PDGFD: variants seen among roughly 807,000 people sequenced by gnomAD.
The protein encoded by PDGFD is platelet derived growth factor D.
A neutral mutation model predicts 44.7 loss-of-function variants in PDGFD; 30 were observed. That is an observed-to-expected ratio of 0.67 (90% CI 0.50 to 0.91). The LOEUF (loss-of-function observed/expected upper bound fraction) is 0.91. PDGFD is among the 40% of genes least tolerant of loss of function. The probability of loss-of-function intolerance (pLI) is 0.00; values close to 1 mark genes in which losing one functional copy is unlikely to be tolerated. For missense variants in PDGFD, 445 were observed against 457.8 expected (o/e 0.97, Z 0.25); for synonymous variants, 173 against 168.4 (o/e 1.03, Z -0.21).
chr11:103,999,543 C>T (rs1485821614), intron 2 of PDGFD, among the ~76,000 whole-genome samples: 7 of 152,272 alleles, frequency 4.6e-5, no homozygotes, highest in East Asian at 1.9e-4. Context: ...CCTTCCCACC[C>T]GTATCTGAGG....
At chr11:103,986,690 G>A (rs929981723) in intron 3 of PDGFD, among the ~76,000 whole-genome samples, 2 of 152,122 alleles carry the variant, frequency 1.3e-5, no homozygotes, top group Admixed American at 6.6e-5. Flanking sequence ...AGTTTAACTA[G>A]GAAACAAAGA....
At chr11:104,102,312 A>C (rs1861398415) in intron 1 of PDGFD, among the ~76,000 whole-genome samples, 1 of 152,202 alleles carries the variant, frequency 6.6e-6, no homozygotes, top group Non-Finnish European at 1.5e-5. Flanking sequence ...ATGCAGCCAA[A>C]AAACACATGA....
chr11:104,101,614 G>A lies in PDGFD; in HGVS notation c.124+62190C>T, dbSNP rs755443446. On this transcript the variant is annotated intron_variant, in intron 1 of 6. Coordinates refer to ENST00000393158, the MANE Select transcript of PDGFD (RefSeq NM_025208.5). ...ATGGAACCAAAAAAGAGCCCTCATCGCCAAGTCAATCCTAAGCCAAAAGAA... is the reference window on the plus strand; with the variant it reads ...ATGGAACCAAAAAAGAGCCCTCATCACCAAGTCAATCCTAAGCCAAAAGAA... Among the ~76,000 whole-genome samples the A allele has an allele frequency of 2.6e-5, 4 of 152,102 alleles. No individual in the cohort carries two copies. In the South Asian group the frequency reaches 6.2e-4, roughly 24 times the overall value.
intron 1 of PDGFD, among the ~76,000 whole-genome samples, chr11:104,119,766 T>C (rs1272676874): frequency 1.8e-5 from 2 of 110,466 alleles, no homozygotes; most frequent in Non-Finnish European, 3.3e-5. Context: ...ATATATAATA[T>C]ATGATAAAAT....
At chr11:103,954,264 A>G (rs544183005) in intron 3 of PDGFD, among the ~76,000 whole-genome samples, 3 of 152,348 alleles carry the variant, frequency 2.0e-5, no homozygotes. Flanking sequence ...GCAAGCCTGC[A>G]CATATTCAAC....
chr11:104,149,334 C>T (rs1048575353), intron 1 of PDGFD, among the ~76,000 whole-genome samples: 2 of 152,102 alleles, frequency 1.3e-5, no homozygotes, highest in African/African-American at 2.4e-5. Flanking sequence ...ATTCTGGTCA[C>T]AAAAACATCA....
intron 3 of PDGFD, among the ~76,000 whole-genome samples, chr11:103,991,779 C>A (rs1266998606): frequency 6.6e-6 from 1 of 152,080 alleles, no homozygotes; most frequent in East Asian, 1.9e-4. Flanking sequence ...AAGTTCCAGG[C>A]AAAGTGGTTT....
chr11:104,137,467 C>T (rs80226531), intron 1 of PDGFD, among the ~76,000 whole-genome samples: 254 of 151,680 alleles, frequency 1.7e-3, no homozygotes, highest in African/African-American at 5.9e-3. Context: ...AGTATGCCTA[C>T]GAATAGAAAA....
At chr11:103,923,848 T>C (rs1858263007) in intron 6 of PDGFD, among the ~76,000 whole-genome samples, 1 of 152,220 alleles carries the variant, frequency 6.6e-6, no homozygotes. Context: ...AGTGATTTTA[T>C]AGAGCTTTGC....
chr11:104,007,496 G>T (rs1415613642), intron 1 of PDGFD, among the ~76,000 whole-genome samples: 1 of 152,178 alleles, frequency 6.6e-6, no homozygotes, highest in Admixed American at 6.5e-5. Flanking sequence ...AGTTGTTGAA[G>T]TAAAAATTAA....
At chr11:103,957,837 A>G (rs1436210471) in intron 3 of PDGFD, among the ~76,000 whole-genome samples, 1 of 152,182 alleles carries the variant, frequency 6.6e-6, no homozygotes, top group African/African-American at 2.4e-5. Flanking sequence ...GGGGCTGCAC[A>G]GAAAGTTGCA....
At chr11:104,149,797 G>C (rs1250249874) in intron 1 of PDGFD, among the ~76,000 whole-genome samples, 1 of 152,156 alleles carries the variant, frequency 6.6e-6, no homozygotes, top group Non-Finnish European at 1.5e-5. Context: ...GGAGTATCCA[G>C]AGAAAACCCA....
chr11:104,103,505 C>T lies in PDGFD; in HGVS notation c.124+60299G>A, dbSNP rs866053718. 5.5e-3 allele frequency among the ~76,000 whole-genome samples: 696 copies of T among 125,932 alleles called. 3 individuals are homozygous for T. Among genetic ancestry groups the T allele is most frequent in the African/African-American group, 0.018 (604 of 32,912 alleles). 82.6% of individuals were successfully genotyped at this position (125,932 alleles called of 152,430 possible). A position where few individuals can be genotyped will look rare whatever the true frequency, so the allele number is the denominator to read the frequency against. On this transcript the variant is annotated intron_variant, in intron 1 of 6. Transcript: ENST00000393158. ...ATATATATATATATATGAATATATG[C>T]TTATATCTAAATATATATGGAAGGA...
chr11:103,968,604 T>A (rs149395260), intron 3 of PDGFD, among the ~76,000 whole-genome samples: 139 of 152,346 alleles, frequency 9.1e-4, no homozygotes, highest in African/African-American at 2.9e-3. Flanking sequence ...CCATATCTTC[T>A]AGTCTATGCT....
chr11:104,071,361 G>A (rs1860874211), intron 1 of PDGFD, among the ~76,000 whole-genome samples: 1 of 151,292 alleles, frequency 6.6e-6, no homozygotes, highest in African/African-American at 2.4e-5. Flanking sequence ...ATTTCTTTGT[G>A]TGTATATATA....
intron 1 of PDGFD, among the ~76,000 whole-genome samples, chr11:104,136,860 C>G (rs970824962): frequency 2.0e-5 from 3 of 152,160 alleles, no homozygotes; most frequent in African/African-American, 7.2e-5. Flanking sequence ...AAGAAATAAT[C>G]AAACATTTGG....
chr11:103,958,921 C>T (rs769496625), intron 3 of PDGFD, among the ~76,000 whole-genome samples: 11 of 152,124 alleles, frequency 7.2e-5, no homozygotes, highest in Non-Finnish European at 1.6e-4. Flanking sequence ...TATTCCATTA[C>T]TAATTAAAAC....
At chr11:104,069,890 C>T (rs1860849152) in intron 1 of PDGFD, among the ~76,000 whole-genome samples, 1 of 152,122 alleles carries the variant, frequency 6.6e-6, no homozygotes, top group African/African-American at 2.4e-5. Context: ...TTTTATAATT[C>T]CATCATTCCG....
chr11:103,924,749 A>T (rs7114119), intron 6 of PDGFD, among the ~76,000 whole-genome samples: 4,558 of 152,314 alleles, frequency 0.03, 210 homozygotes, highest in African/African-American at 0.1. Context: ...TCCAAAAAAC[A>T]GTTTTACAAA....
Sources: allele counts gnomAD v4.1 joint callset (sites outside exome capture counted in the v4.1 genomes callset), GRCh38; gene constraint gnomAD v4.1.1; transcripts MANE v1.5; gene names NCBI Gene and HGNC (gene_info 2026-07-23, HGNC 2026-07-21).